Variants in CTNNA1 observed in about 807,000 individuals in gnomAD.
The protein encoded by CTNNA1 is catenin alpha 1, also known as catenin alpha-1.
A neutral mutation model predicts 98.4 loss-of-function variants in CTNNA1; 37 were observed. The ratio of observed to expected loss-of-function variants is 0.38; its 90% CI spans 0.29 to 0.49. The LOEUF is 0.49. Ranked by LOEUF, CTNNA1 falls within the 20% of genes least tolerant of loss-of-function variation. The probability of loss-of-function intolerance (pLI) is 0.95; values close to 1 mark genes in which losing one functional copy is unlikely to be tolerated. For missense variants in CTNNA1, 761 were observed against 1,147.2 expected (o/e 0.66, Z 4.86); for synonymous variants, 404 against 413.2 (o/e 0.98, Z 0.27).
At chr5:138,906,559 A>T (rs1759304724) in intron 10 of CTNNA1, among the ~76,000 whole-genome samples, 1 of 152,228 alleles carries the variant, frequency 6.6e-6, no homozygotes, top group Admixed American at 6.5e-5. Context: ...CAGGAAAAAA[A>T]TCACACGGAG....
At chr5:138,765,201 C>A (rs1056046804) in intron 1 of CTNNA1, among the ~76,000 whole-genome samples, 5 of 152,252 alleles carry the variant, frequency 3.3e-5, no homozygotes, top group Admixed American at 2.0e-4. Context: ...CCACCACGCC[C>A]AGCTAATTTT....
intron 8 of CTNNA1, 77 bp downstream of exon 8, chr5:138,886,369 G>T: frequency 1.4e-6 from 2 of 1,412,044 alleles, no homozygotes; most frequent in Non-Finnish European, 1.9e-6. Flanking sequence ...AATAAGCACT[G>T]GCCTTATATT....
intron 9 of CTNNA1, among the ~76,000 whole-genome samples, chr5:138,893,375 A>G (rs1755941838): frequency 6.6e-6 from 1 of 151,794 alleles, no homozygotes; most frequent in South Asian, 2.1e-4. Context: ...GTTCGTTCCT[A>G]TCAGCGTGGA....
At chr5:138,799,700 C>G (rs553766667) in intron 3 of CTNNA1, among the ~76,000 whole-genome samples, 1 of 149,748 alleles carries the variant, frequency 6.7e-6, no homozygotes. Context: ...TATTTATATA[C>G]TTGTTTATAG....
chr5:138,848,510 T>C (rs546346738), intron 7 of CTNNA1, among the ~76,000 whole-genome samples: 1 of 152,340 alleles, frequency 6.6e-6, no homozygotes, highest in South Asian at 2.1e-4. Context: ...TTCTTCTCTC[T>C]TCTTTTACAG....
intron 7 of CTNNA1, among the ~76,000 whole-genome samples, chr5:138,883,934 G>A (rs1275073901): frequency 2.0e-5 from 3 of 152,186 alleles, no homozygotes; most frequent in Non-Finnish European, 4.4e-5. Flanking sequence ...ATAATTGCAC[G>A]TCTCAAGCTG....
intron 7 of CTNNA1, among the ~76,000 whole-genome samples, chr5:138,848,763 C>T (rs1167541372): frequency 1.3e-5 from 2 of 152,000 alleles, no homozygotes; most frequent in Non-Finnish European, 2.9e-5. Context: ...CTCTCTCTGT[C>T]GCCCAGGCTG....
At chr5:138,929,070 G>A (rs1032066417) in intron 13 of CTNNA1, among the ~76,000 whole-genome samples, 176 bp from the exon 14 acceptor site, 2 of 152,226 alleles carry the variant, frequency 1.3e-5, no homozygotes, top group Admixed American at 6.5e-5. Context: ...CACCAGTGAA[G>A]CAGAGGCTCG....
intron 4 of CTNNA1, among the ~76,000 whole-genome samples, chr5:138,811,376 G>A (rs1306335243): frequency 4.1e-5 from 5 of 120,638 alleles, no homozygotes; most frequent in Non-Finnish European, 7.2e-5. Flanking sequence ...GGGAAGAGGC[G>A]CTCCTCACTT....
intron 7 of CTNNA1, among the ~76,000 whole-genome samples, chr5:138,876,148 G>A (rs1214555438): frequency 2.0e-5 from 3 of 152,148 alleles, no homozygotes; most frequent in Admixed American, 6.5e-5. Context: ...AAGTGATACC[G>A]TGTAGCTGGA....
Position 138,874,379 on chromosome 5 carries a change from T to G in CTNNA1, c.1063-11833T>G, listed in dbSNP as rs1751049369. On this transcript the variant is annotated intron_variant, in intron 7 of 17. Transcript: ENST00000302763. The surrounding 1 kb of genome is among the most constrained non-coding windows in gnomAD (Gnocchi z 4.1). ...CCTCAGGGACAGGCCCAGAGAGCCCTTGTCTGTGGCGTTTGGCACTGAGTG... is the reference window on the plus strand; with the variant it reads ...CCTCAGGGACAGGCCCAGAGAGCCCGTGTCTGTGGCGTTTGGCACTGAGTG... The G allele has an allele frequency of 6.2e-7, 1 of 1,613,910 alleles. No individual in the cohort carries two copies. The highest frequency in any genetic ancestry group is 8.5e-7 in the Non-Finnish European group (1 of 1,179,900).
At chr5:138,830,747 A>G (rs909041570) in intron 7 of CTNNA1, among the ~76,000 whole-genome samples, 3 of 152,346 alleles carry the variant, frequency 2.0e-5, no homozygotes, top group South Asian at 2.1e-4. Flanking sequence ...GTTGGGCACA[A>G]TGTAAGAGGA....
intron 3 of CTNNA1, among the ~76,000 whole-genome samples, chr5:138,784,159 C>G (rs918897361): frequency 6.6e-6 from 1 of 152,228 alleles, no homozygotes; most frequent in Admixed American, 6.5e-5. Context: ...CTGCCTCGGC[C>G]TGCCAGAGTG....
At chr5:138,842,586 A>G (rs1470555846) in intron 7 of CTNNA1, among the ~76,000 whole-genome samples, 2 of 152,142 alleles carry the variant, frequency 1.3e-5, no homozygotes, top group Non-Finnish European at 2.9e-5. Context: ...AAGGAAACAG[A>G]CTCAAGGCTC....
In CTNNA1 at chr5:138,834,140, C is replaced by T. The variant is rs549208922; in HGVS notation, c.1062+6422C>T. Among the ~76,000 whole-genome samples the T allele has an allele frequency of 2.0e-5, 3 of 152,270 alleles. No individual in the cohort carries two copies. The South Asian group carries it at 6.2e-4, about 32-fold the overall frequency. The stretch of plus-strand genomic sequence containing the variant: ...AATCCTTTCTCAGTTTTGCAAATGC[C>T]TTCCTGGAATCTCTTTAGCATAGCC... On this transcript the variant is annotated intron_variant, in intron 7 of 17. Coordinates refer to ENST00000302763, the MANE Select transcript of CTNNA1 (RefSeq NM_001903.5).
At chr5:138,916,198 G>A (rs1484967963) in intron 10 of CTNNA1, among the ~76,000 whole-genome samples, 1 of 98,334 alleles carries the variant, frequency 1.0e-5, no homozygotes, top group Non-Finnish European at 2.1e-5. Flanking sequence ...AAAAGAAGGG[G>A]CTAAGGAGAG....
At chr5:138,785,749 A>ATAGTGTAGTG (rs879461884) in intron 3 of CTNNA1, among the ~76,000 whole-genome samples, 1 of 151,860 alleles carries the variant, frequency 6.6e-6, no homozygotes, top group Non-Finnish European at 1.5e-5. Context: ...TTAGTATAGT[A>ATAGTGTAGTG]TAGTGTAGTG....
chr5:138,778,264 G>C (rs1332185423), intron 1 of CTNNA1, among the ~76,000 whole-genome samples: 1 of 152,076 alleles, frequency 6.6e-6, no homozygotes, highest in East Asian at 1.9e-4. Context: ...AAAGTGCTGG[G>C]ATTACAGACG....
At chr5:138,885,075 T>C (rs146286057) in intron 7 of CTNNA1, among the ~76,000 whole-genome samples, 10 of 152,312 alleles carry the variant, frequency 6.6e-5, no homozygotes, top group Admixed American at 2.0e-4. Flanking sequence ...AAATAACCTA[T>C]ATCCCTCAAT....
Sources: allele counts gnomAD v4.1 joint callset (sites outside exome capture counted in the v4.1 genomes callset), GRCh38; gene constraint gnomAD v4.1.1; non-coding constraint Gnocchi (gnomAD v3.1); transcripts MANE v1.5; gene names NCBI Gene and HGNC (gene_info 2026-07-23, HGNC 2026-07-21).